Variants in FAT3 observed in about 807,000 individuals in gnomAD.
FAT3 encodes FAT atypical cadherin 3.
Under a neutral mutation model 310.2 loss-of-function variants are expected in FAT3, and 95 were observed. The ratio of observed to expected loss-of-function variants is 0.31; its 90% confidence interval spans 0.26 to 0.36. The LOEUF (loss-of-function observed/expected upper bound fraction) is 0.36, where lower values mean the gene tolerates loss of function less well. FAT3 is among the 10% of genes least tolerant of loss of function. The probability of loss-of-function intolerance (pLI) is 1.00; values close to 1 mark genes in which losing one functional copy is unlikely to be tolerated. For synonymous variants in FAT3, 2,314 were observed against 2,192.9 expected, an observed-to-expected ratio of 1.06 and a Z score of -1.54; for missense variants, 5,408 against 5,715.6, an observed-to-expected ratio of 0.95 and a Z score of 1.74.
chr11:92,785,907 C>T (rs1946880091), intron 7 of FAT3, among the ~76,000 whole-genome samples: 1 of 152,090 alleles, frequency 6.6e-6, no homozygotes, highest in Non-Finnish European at 1.5e-5. Flanking sequence ...AGAGCCTAGC[C>T]TTTCCAAACA....
At chr11:92,331,013 A>G (rs112103841) in intron 1 of FAT3, among the ~76,000 whole-genome samples, 3 of 125,658 alleles carry the variant, frequency 2.4e-5, no homozygotes, top group Admixed American at 2.3e-4. Context: ...TGAGAGAGAG[A>G]GAGAGAGAAA....
At chr11:92,514,665 A>G (rs1294947807) in intron 2 of FAT3, among the ~76,000 whole-genome samples, 1 of 152,148 alleles carries the variant, frequency 6.6e-6, no homozygotes, top group Non-Finnish European at 1.5e-5. Flanking sequence ...GTCCTATCCT[A>G]TTGAATCAGA....
chr11:92,627,684 TTAC>T (rs1275928705), intron 3 of FAT3, among the ~76,000 whole-genome samples: 1 of 152,196 alleles, frequency 6.6e-6, no homozygotes, highest in Non-Finnish European at 1.5e-5. Flanking sequence ...TAAAAGGAAT[TTAC>T]TCTCTTTAGA....
At chr11:92,452,089 G>A (rs1266061096) in intron 2 of FAT3, among the ~76,000 whole-genome samples, 3 of 152,194 alleles carry the variant, frequency 2.0e-5, no homozygotes, top group East Asian at 3.9e-4. Context: ...AGTTCTGTCT[G>A]TTGATTGCTC....
intron 3 of FAT3, among the ~76,000 whole-genome samples, chr11:92,672,933 G>C (rs1284630863): frequency 6.6e-6 from 1 of 152,178 alleles, no homozygotes; most frequent in Non-Finnish European, 1.5e-5. Flanking sequence ...TCATAAAGCT[G>C]TAAGGAGAAT....
chr11:92,862,112 C>G (rs1359760061), intron 21 of FAT3, among the ~76,000 whole-genome samples: 1 of 152,096 alleles, frequency 6.6e-6, no homozygotes. Context: ...ATTAAAGTAC[C>G]ATTAAGATGA....
intron 2 of FAT3, among the ~76,000 whole-genome samples, chr11:92,431,885 T>G (rs1411150051): frequency 1.3e-5 from 2 of 152,362 alleles, no homozygotes; most frequent in Non-Finnish European, 2.9e-5. Flanking sequence ...AGTACCATGC[T>G]GTTTTGGTTA....
chr11:92,696,888 T>C (rs1943956155), intron 3 of FAT3, among the ~76,000 whole-genome samples: 1 of 152,226 alleles, frequency 6.6e-6, no homozygotes, highest in Non-Finnish European at 1.5e-5. Flanking sequence ...TTATTAAATA[T>C]GAAATAATTA....
chr11:92,767,056 G>A (rs924312132), intron 6 of FAT3, among the ~76,000 whole-genome samples: 59 of 151,998 alleles, frequency 3.9e-4, no homozygotes, highest in African/African-American at 2.4e-4. Flanking sequence ...CGAGACCAAC[G>A]TGTCCAACAT....
At chr11:92,265,959 C>T (rs1328887067) in intron 1 of FAT3, among the ~76,000 whole-genome samples, 1 of 152,076 alleles carries the variant, frequency 6.6e-6, no homozygotes, top group Non-Finnish European at 1.5e-5. Context: ...CCTCTTTTTC[C>T]CTTCCTTCCT....
intron 3 of FAT3, among the ~76,000 whole-genome samples, chr11:92,646,186 A>G (rs1443686413): frequency 2.6e-5 from 4 of 152,170 alleles, no homozygotes; most frequent in African/African-American, 9.7e-5. Flanking sequence ...TGGTTGATGG[A>G]CTGTCTAGAG....
chr11:92,527,169 C>A (rs1953894213), intron 3 of FAT3, among the ~76,000 whole-genome samples: 1 of 152,156 alleles, frequency 6.6e-6, no homozygotes, highest in Non-Finnish European at 1.5e-5. Flanking sequence ...GTTTCAAATG[C>A]TTGCTCTGTG....
intron 4 of FAT3, among the ~76,000 whole-genome samples, chr11:92,708,462 C>G (rs368978043): frequency 1.3e-5 from 2 of 152,236 alleles, no homozygotes; most frequent in East Asian, 1.9e-4. Context: ...AAACCTCCGT[C>G]TCTTTACCTA....
At chr11:92,726,677 A>C (rs1312229279) in intron 4 of FAT3, among the ~76,000 whole-genome samples, 4 of 151,966 alleles carry the variant, frequency 2.6e-5, no homozygotes, top group African/African-American at 9.7e-5. Context: ...GAATGGTTAA[A>C]CTAAAAAATA....
Position 92,834,957 on chromosome 11 carries a change from C to T in FAT3, c.9959C>T (p.Ala3320Val), listed in dbSNP as rs1225248408. 7.4e-6 allele frequency: 12 copies of T among 1,613,154 alleles called. No individual in the cohort carries two copies. Among genetic ancestry groups the T allele is most frequent in the Non-Finnish European group, 7.6e-6 (9 of 1,179,628 alleles). ...VVEAKDGGTP[A>V]LSAVATVNIN... ...GAAGCCAAAGATGGGGGCACCCCAG[C>T]TCTCAGCGCTGTGGCCACTGTCAAC... The change falls in exon 15 of 28, where the codon GCT (alanine) becomes GTT (valine). Residue 3320 changes from alanine to valine, a missense_variant. This residue lies in a region of FAT3 where 4,588 missense variants were observed against 4,809.8 expected (regional missense o/e 0.95). Transcript: ENST00000525166.
chr11:92,586,794 G>A (rs1280168295), intron 3 of FAT3, among the ~76,000 whole-genome samples: 1 of 151,940 alleles, frequency 6.6e-6, no homozygotes, highest in Non-Finnish European at 1.5e-5. Context: ...ATACTTTCAT[G>A]CATTGAAATA....
intron 13 of FAT3, among the ~76,000 whole-genome samples, chr11:92,826,229 G>A (rs1298201271): frequency 6.6e-6 from 1 of 152,202 alleles, no homozygotes; most frequent in African/African-American, 2.4e-5. Flanking sequence ...GCAAAGGAAT[G>A]CAGTGACATA....
At chr11:92,690,329 A>G (rs1018226541) in intron 3 of FAT3, among the ~76,000 whole-genome samples, 1 of 152,220 alleles carries the variant, frequency 6.6e-6, no homozygotes, top group African/African-American at 2.4e-5. Context: ...TAAAGCTTCT[A>G]TTAGCATCTC....
At chr11:92,753,989 G>T (rs931435398) in intron 4 of FAT3, among the ~76,000 whole-genome samples, 5 of 151,810 alleles carry the variant, frequency 3.3e-5, no homozygotes, top group Non-Finnish European at 5.9e-5. Flanking sequence ...GAGGACTTGG[G>T]GGAAGGTGGA....
Sources: gnomAD v4.1 joint callset for allele counts (sites outside exome capture counted in the v4.1 genomes callset) on GRCh38, gnomAD v4.1.1 for gene constraint, gnomAD v4.1.1 regional missense constraint, MANE v1.5 for transcripts, NCBI Gene and HGNC (gene_info 2026-07-23, HGNC 2026-07-21) for gene names.